The following ARHGEF18 variants were observed in gnomAD, a reference collection of about 807,000 sequenced individuals.
ARHGEF18 encodes the protein Rho/Rac guanine nucleotide exchange factor 18.
A neutral mutation model predicts 155.7 loss-of-function variants in ARHGEF18; 93 were observed. The observed-to-expected ratio is 0.60, with a 90% CI of 0.50 to 0.71. The LOEUF is 0.71. ARHGEF18 is among the 30% of genes least tolerant of loss of function. ARHGEF18 has a pLI of 0.00. For synonymous variants in ARHGEF18, 742 were observed against 753.1 expected (o/e 0.99, Z 0.24); for missense variants, 1,593 against 1,816.1 (o/e 0.88, Z 2.23).
chr19:7,478,245 G>T, the ARHGEF18 span: 1 of 1,523,590 alleles, frequency 6.6e-7, no homozygotes, highest in Non-Finnish European at 8.9e-7. Flanking sequence ...CACAGGGGTG[G>T]CTGCGAGCCG....
At chr19:7,421,613 T>C (rs756293495) in intron 10 of ARHGEF18, among the ~76,000 whole-genome samples, 7 of 151,950 alleles carry the variant, frequency 4.6e-5, no homozygotes, top group Non-Finnish European at 1.0e-4. Context: ...AATACAAAAA[T>C]TAGCCAGGCA....
chr19:7,436,959 T>C (rs1455931997), intron 10 of ARHGEF18, among the ~76,000 whole-genome samples: 3 of 152,176 alleles, frequency 2.0e-5, no homozygotes, highest in Non-Finnish European at 4.4e-5. Context: ...ATGTCATCTT[T>C]GCTGTGCTGG....
Position 7,378,719 on chromosome 19 carries a change from G to C in ARHGEF18, c.599+268G>C, listed in dbSNP as rs1364002545. ...TTTTTTTTTTTTTTTTTGAGATAGG[G>C]TCTCACTCTGTCACCCAGGCTGGAG... is the stretch of plus-strand genomic sequence containing the variant. On this transcript the variant is annotated intron_variant, in intron 6 of 28. Coordinates refer to ENST00000668164, the MANE Select transcript of ARHGEF18 (RefSeq NM_001367823.1). 3.8e-5 allele frequency among the ~76,000 whole-genome samples: 5 copies of C among 132,874 alleles called. No individual in the cohort carries two copies. The East Asian group carries it at 1.1e-3, about 30-fold the overall frequency. 87.2% of individuals were successfully genotyped at this position (132,874 alleles called of 152,430 possible).
At position 7,467,562 on chromosome 19, in the gene ARHGEF18, C is replaced by T. The variant is rs1353281453; in HGVS notation, c.3358C>T (p.Leu1120=). 29 of 1,490,506 alleles carry T rather than the reference C, an allele frequency of 1.9e-5. No homozygotes were observed. The highest frequency in any genetic ancestry group is 2.7e-5 in the East Asian group (1 of 36,822). The allele number at this position is 1,490,506 out of a possible 1,614,324, so 92.3% of individuals were successfully genotyped here. Residue 1120 remains leucine, a synonymous_variant, in exon 26 of 29, where the codon CTG becomes TTG. Transcript: ENST00000668164. ...CCAGCGCCAGGCCTACCAGCACGAC[C>T]TGGAGCGGCTGCGCGAGGCCCAGCG... ...ERQRQAYQHD[L]ERLREAQRAV...
At chr19:7,448,033 T>G (rs1975108069) in intron 15 of ARHGEF18, among the ~76,000 whole-genome samples, 1 of 152,224 alleles carries the variant, frequency 6.6e-6, no homozygotes, top group Admixed American at 6.5e-5. Context: ...ATATCTAGAC[T>G]TTGTTCCTTA....
intron 5 of ARHGEF18, among the ~76,000 whole-genome samples, chr19:7,377,173 C>A (rs987240415): frequency 1.3e-5 from 2 of 151,974 alleles, no homozygotes; most frequent in Admixed American, 1.3e-4. Flanking sequence ...CGGGTTCATG[C>A]CCTTCTCCGG....
rs1974571210 is a variant in ARHGEF18 at position 7,440,467 on chromosome 19, C to T, written c.1091C>T (p.Pro364Leu). 1 of 1,598,458 alleles carries T rather than the reference C, an allele frequency of 6.3e-7. No homozygotes were observed. Among genetic ancestry groups the T allele is most frequent in the African/African-American group, 1.3e-5 (1 of 74,920 alleles). The change falls in exon 11 of 29, where the codon CCT becomes CTT. Residue 364 changes from proline (P) to leucine (L), a missense_variant. Physicochemically the swap from Pro to Leu is moderately conservative, Grantham distance 98 (BLOSUM62 -3). Coordinates refer to ENST00000668164, the MANE Select transcript of ARHGEF18 (RefSeq NM_001367823.1). This position sits in a 1 kb window ranked among gnomAD's most constrained non-coding sequence, Gnocchi z 5.4. ...GPQPTPSPAG[P>L]GTQLGPITGE... The stretch of plus-strand genomic sequence containing the variant: ...CAGCCAACACCGAGCCCGGCTGGCC[C>T]TGGGACGCAACTCGGGTAAGCCAGG...
intron 10 of ARHGEF18, among the ~76,000 whole-genome samples, chr19:7,428,104 A>C (rs929513987): frequency 6.6e-6 from 1 of 152,202 alleles, no homozygotes; most frequent in Non-Finnish European, 1.5e-5. Flanking sequence ...GTAGCTCAAC[A>C]GTTAATTCCT....
chr19:7,432,071 G>A (rs1974000684), intron 10 of ARHGEF18, among the ~76,000 whole-genome samples: 2 of 151,992 alleles, frequency 1.3e-5, no homozygotes, highest in East Asian at 1.9e-4. Context: ...CTGAGGTGCG[G>A]GATGAAGGGG....
At chr19:7,411,951 T>C (rs981846404) in intron 10 of ARHGEF18, among the ~76,000 whole-genome samples, 21 of 152,218 alleles carry the variant, frequency 1.4e-4, no homozygotes, top group Non-Finnish European at 5.9e-5. Flanking sequence ...TGAATAATAT[T>C]ACAGTGTGCG....
rs116148705 is a variant in ARHGEF18 at position 7,441,914 on chromosome 19, C to T, written c.1222C>T (p.Pro408Ser). Residue 408 changes from proline (P) to serine (S), a missense_variant and splice_region_variant, in exon 13 of 29, where the codon CCC becomes TCC. Transcript: ENST00000668164. ...PNTESIFVED[P>S]YTASLRSEIE... ...GCCACACCTCGCTCTTCCCTCAGAT[C>T]CCTACACCGCCTCGCTGAGGAGTGA... 3.1e-4 allele frequency: 508 copies of T among 1,614,006 alleles called. 1 individual carries two copies. In the African/African-American group the frequency reaches 6.3e-3, roughly 20 times the overall value.
chr19:7,435,537 T>C (rs1188380558), intron 10 of ARHGEF18, among the ~76,000 whole-genome samples: 1 of 151,890 alleles, frequency 6.6e-6, no homozygotes, highest in African/African-American at 2.4e-5. Context: ...CCCGAGGTGA[T>C]GAGGGCAGCG....
chr19:7,466,804 CAAAAAAAAAAAAAAA>C (rs965666634), intron 23 of ARHGEF18, 99 bp from the exon 24 acceptor site: 22 of 496,004 alleles, frequency 4.4e-5, no homozygotes, highest in Admixed American at 3.8e-4. Context: ...AATTCCGTCT[CAAAAAAAAAAAAAAA>C]AAAAAAAGTT....
intron 15 of ARHGEF18, among the ~76,000 whole-genome samples, chr19:7,449,505 G>A (rs138890516): frequency 8.5e-4 from 129 of 152,168 alleles, no homozygotes; most frequent in African/African-American, 2.8e-3. Flanking sequence ...CTTGGGAGGC[G>A]GAGGTTGCAG....
At position 7,469,904 on chromosome 19, in the gene ARHGEF18, C is replaced by T. The variant is rs147776697; in HGVS notation, c.3788C>T (p.Ala1263Val). 2.0e-4 allele frequency: 324 copies of T among 1,612,600 alleles called. No individual in the cohort carries two copies. The highest frequency in any genetic ancestry group is 2.6e-4 in the Non-Finnish European group (309 of 1,179,762). The change falls in exon 28 of 29, where the codon GCG becomes GTG. Residue 1263 changes from alanine to valine, a missense_variant and splice_region_variant. Transcript: ENST00000668164. ...SRGSQRWESS[A>V]SFDLKQQLLL... The stretch of plus-strand genomic sequence containing the variant: ...GGCCCAAATACCTTCTCTCTTCCAG[C>T]GTCCTTCGACCTGAAGCAGCAGCTG...
At chr19:7,479,628 G>A in the ARHGEF18 span, among the ~76,000 whole-genome samples, 5 of 152,208 alleles carry the variant, frequency 3.3e-5, no homozygotes, top group African/African-American at 1.2e-4. Flanking sequence ...CACTCCCCCT[G>A]CTCACTGCAA....
At position 7,463,778 on chromosome 19, in the gene ARHGEF18, C is replaced by G; in HGVS notation, c.2636-40C>G. 6.4e-7 allele frequency: 1 copy of G among 1,565,388 alleles called. No homozygotes were observed. Among genetic ancestry groups the G allele is most frequent in the Non-Finnish European group, 8.7e-7 (1 of 1,154,442 alleles). On this transcript the variant is annotated intron_variant, in intron 21 of 28. Coordinates refer to ENST00000668164, the MANE Select transcript of ARHGEF18 (RefSeq NM_001367823.1). The surrounding 1 kb of genome is among the most constrained non-coding windows in gnomAD (Gnocchi z 5.2). The stretch of plus-strand genomic sequence containing the variant: ...GCTCCGTATTCCCCCAGCACACTTC[C>G]GCAGGGCGACCCGTGCCTCCTGTCC...
chr19:7,356,931 C>T (rs1969330528), intron 1 of ARHGEF18, among the ~76,000 whole-genome samples: 1 of 152,198 alleles, frequency 6.6e-6, no homozygotes, highest in Non-Finnish European at 1.5e-5. Flanking sequence ...GTACCAGGCA[C>T]TGTGCCGGGG....
chr19:7,445,551 T>C (rs7254770), intron 14 of ARHGEF18, among the ~76,000 whole-genome samples: 31,724 of 152,106 alleles, frequency 0.21, 3,511 homozygotes, highest in Admixed American at 0.23. Flanking sequence ...AGCTGTGCCC[T>C]TCATGTGACC....
Sources: gnomAD v4.1 joint callset for allele counts (sites outside exome capture counted in the v4.1 genomes callset) on GRCh38, gnomAD v4.1.1 for gene constraint, Gnocchi (gnomAD v3.1) non-coding constraint, MANE v1.5 for transcripts, NCBI Gene and HGNC (gene_info 2026-07-23, HGNC 2026-07-21) for gene names.